Variants in MEGF11 observed in about 807,000 individuals in gnomAD.
MEGF11 encodes the protein multiple EGF like domains 11, also known as multiple epidermal growth factor-like domains protein 11.
In MEGF11, 126 loss-of-function variants were observed where a neutral mutation model predicts 146.6. The observed-to-expected ratio is 0.86, with a 90% CI of 0.74 to 1.00. The LOEUF (loss-of-function observed/expected upper bound fraction) is 1.00, where lower values mean the gene tolerates loss of function less well. MEGF11 is among the 50% of genes least tolerant of loss of function. The probability of loss-of-function intolerance (pLI) is 0.00; values close to 1 mark genes in which losing one functional copy is unlikely to be tolerated. For synonymous variants in MEGF11, 532 were observed against 583.4 expected (o/e 0.91, Z 1.27); for missense variants, 1,509 against 1,521.2 (o/e 0.99, Z 0.13).
At chr15:66,057,244 C>T (rs966653309) in intron 5 of MEGF11, among the ~76,000 whole-genome samples, 2 of 152,084 alleles carry the variant, frequency 1.3e-5, no homozygotes, top group Admixed American at 6.5e-5. Flanking sequence ...GAGGGTAGGG[C>T]GTCGGGGAGG....
chr15:66,019,137 C>T (rs570927425), intron 5 of MEGF11, among the ~76,000 whole-genome samples: 8 of 152,240 alleles, frequency 5.3e-5, no homozygotes, highest in Admixed American at 2.0e-4. Context: ...GAGGGTGCAG[C>T]GAGTGTGGAT....
chr15:66,107,999 G>T (rs1406759445), intron 4 of MEGF11, among the ~76,000 whole-genome samples: 2 of 152,308 alleles, frequency 1.3e-5, no homozygotes, highest in East Asian at 1.9e-4. Flanking sequence ...GGCTCCCAGA[G>T]AATGTTAGGC....
intron 5 of MEGF11, among the ~76,000 whole-genome samples, chr15:66,091,433 T>C (rs2086318440): frequency 6.6e-6 from 1 of 152,220 alleles, no homozygotes; most frequent in South Asian, 2.1e-4. Context: ...TTGGACTATA[T>C]TAACAGAGGT....
chr15:66,186,689 A>C (rs1299644819), intron 1 of MEGF11, among the ~76,000 whole-genome samples: 1 of 152,210 alleles, frequency 6.6e-6, no homozygotes, highest in East Asian at 1.9e-4. Flanking sequence ...CACTCACCCC[A>C]TGGACAGGGA....
chr15:65,955,398 G>GT (rs60673192), intron 10 of MEGF11, among the ~76,000 whole-genome samples: 45,639 of 141,968 alleles, frequency 0.32, 7,298 homozygotes, highest in East Asian at 0.63. Flanking sequence ...GATTGTAACT[G>GT]TTTTTTTTTT....
intron 2 of MEGF11, among the ~76,000 whole-genome samples, chr15:66,126,154 C>T (rs573289458): frequency 5.0e-4 from 76 of 152,250 alleles, no homozygotes; most frequent in African/African-American, 1.7e-3. Context: ...AATGAGGAGC[C>T]GCCAGAAGCA....
intron 5 of MEGF11, among the ~76,000 whole-genome samples, chr15:65,998,787 A>T (rs1197696988): frequency 6.6e-5 from 10 of 152,112 alleles, no homozygotes; most frequent in Admixed American, 6.5e-4. Flanking sequence ...CACTTGAGCA[A>T]ATGGTGTGAG....
intron 1 of MEGF11, among the ~76,000 whole-genome samples, chr15:66,236,326 G>A (rs548306492): frequency 2.6e-5 from 4 of 152,244 alleles, no homozygotes; most frequent in Middle Eastern, 3.4e-3. Context: ...TTCATCCCGA[G>A]GGCAATGGGA....
At chr15:66,179,906 C>T (rs2090500092) in intron 1 of MEGF11, among the ~76,000 whole-genome samples, 1 of 148,990 alleles carries the variant, frequency 6.7e-6, no homozygotes, top group African/African-American at 2.5e-5. Context: ...GTCTCCTACT[C>T]TCCTGGTCCT....
intron 5 of MEGF11, among the ~76,000 whole-genome samples, chr15:66,077,634 G>A (rs534290325): frequency 1.4e-4 from 21 of 152,338 alleles, no homozygotes; most frequent in African/African-American, 4.8e-4. Flanking sequence ...AGCATGAGGT[G>A]CTCCAGGTCA....
intron 1 of MEGF11, among the ~76,000 whole-genome samples, chr15:66,180,385 G>A (rs2090513841): frequency 6.6e-6 from 1 of 152,102 alleles, no homozygotes; most frequent in African/African-American, 2.4e-5. Context: ...CCCTTCTCAG[G>A]GAACCTCAAT....
intron 5 of MEGF11, among the ~76,000 whole-genome samples, chr15:66,069,189 C>T (rs1444933722): frequency 6.6e-6 from 1 of 152,130 alleles, no homozygotes; most frequent in African/African-American, 2.4e-5. Context: ...ACCACAAGGG[C>T]AAATATCCCT....
At chr15:65,924,624 CTTT>C (rs573572484) in intron 13 of MEGF11, among the ~76,000 whole-genome samples, 4 of 111,610 alleles carry the variant, frequency 3.6e-5, no homozygotes, top group Non-Finnish European at 3.7e-5. Flanking sequence ...TGCCATAAGG[CTTT>C]TTTTTTTTTT....
chr15:66,052,788 A>G (rs1317290828), intron 5 of MEGF11, among the ~76,000 whole-genome samples: 1 of 152,228 alleles, frequency 6.6e-6, no homozygotes, highest in Non-Finnish European at 1.5e-5. Context: ...CCATGTTAGA[A>G]GGTTCTCAAC....
chr15:66,198,879 G>A (rs767731209), intron 1 of MEGF11, among the ~76,000 whole-genome samples: 7 of 152,146 alleles, frequency 4.6e-5, no homozygotes, highest in Non-Finnish European at 1.0e-4. Context: ...CTTCCAAAGT[G>A]CTGGGATTAC....
intron 23 of MEGF11, 95 bp from the exon 24 acceptor site, chr15:65,906,236 T>G: frequency 1.2e-6 from 1 of 850,560 alleles, no homozygotes; most frequent in Non-Finnish European, 1.9e-6. Context: ...TTCCCCCCCC[T>G]TCTCCCCTAC....
intron 1 of MEGF11, among the ~76,000 whole-genome samples, chr15:66,227,996 C>T (rs1377928880): frequency 2.0e-5 from 3 of 152,168 alleles, no homozygotes; most frequent in African/African-American, 7.2e-5. Context: ...AAGAGCTAGT[C>T]CAGGTTCCTA....
At chr15:65,946,213 C>T (rs1388830797) in intron 10 of MEGF11, among the ~76,000 whole-genome samples, 1 of 152,188 alleles carries the variant, frequency 6.6e-6, no homozygotes, top group Non-Finnish European at 1.5e-5. Flanking sequence ...TTTTGTAGAG[C>T]TTGCCCTGTC....
chr15:65,988,218 A>G (rs2081931251), intron 5 of MEGF11, among the ~76,000 whole-genome samples: 1 of 151,740 alleles, frequency 6.6e-6, no homozygotes, highest in Non-Finnish European at 1.5e-5. Context: ...CATGTTGGCC[A>G]GGCTGGTCTT....
Sources: allele counts gnomAD v4.1 joint callset (sites outside exome capture counted in the v4.1 genomes callset), GRCh38; gene constraint gnomAD v4.1.1; transcripts MANE v1.5; gene names NCBI Gene and HGNC (gene_info 2026-07-23, HGNC 2026-07-21).